The following KLF8 variants were observed in gnomAD, a reference collection of about 807,000 sequenced individuals.
KLF8 encodes KLF transcription factor 8, also known as Krueppel-like factor 8.
KLF8 carries 10 observed loss-of-function variants against 18.2 expected under a neutral mutation model. The observed-to-expected ratio is 0.55, with a 90% CI of 0.34 to 0.93. KLF8 has a LOEUF of 0.93. Among genes scored for constraint, KLF8 ranks in the 40% least tolerant of loss-of-function variants. The pLI, the probability that KLF8 is intolerant of heterozygous loss-of-function variation, is 0.02. For synonymous variants in KLF8, 109 were observed against 97.3 expected (o/e 1.12, Z -0.71); for missense variants, 264 against 277.9 (o/e 0.95, Z 0.36).
intron 2 of KLF8, among the ~76,000 whole-genome samples, chrX:56,251,225 G>A (rs1287167805): frequency 8.9e-6 from 1 of 112,069 alleles, no homozygotes; most frequent in African/African-American, 3.2e-5. Context: ...TGTGCTAGAT[G>A]TTGAAGTCCC....
the KLF8 span, among the ~76,000 whole-genome samples, chrX:56,178,555 G>T: frequency 1.8e-5 from 2 of 112,216 alleles, no homozygotes; most frequent in Non-Finnish European, 3.8e-5. Flanking sequence ...GGAAGTCCTT[G>T]CCCATGCCTA....
At chrX:56,184,765 G>T in the KLF8 span, among the ~76,000 whole-genome samples, 2 of 111,949 alleles carry the variant, frequency 1.8e-5, no homozygotes, top group African/African-American at 6.5e-5. Context: ...AGGCAAACAG[G>T]GTCTAGGGTG....
the KLF8 span, among the ~76,000 whole-genome samples, chrX:56,084,205 C>G: frequency 1.8e-5 from 2 of 110,570 alleles, no homozygotes; most frequent in Non-Finnish European, 3.8e-5. Context: ...ATAGGGAGAC[C>G]TTGTCCCCAC....
chrX:55,939,833 T>C, the KLF8 span, among the ~76,000 whole-genome samples: 2 of 111,670 alleles, frequency 1.8e-5, no homozygotes, highest in African/African-American at 6.5e-5. Context: ...CAGGAAGAAG[T>C]TGAATCTCTG....
At chrX:55,987,204 TA>T in the KLF8 span, among the ~76,000 whole-genome samples, 5 of 110,703 alleles carry the variant, frequency 4.5e-5, no homozygotes, top group African/African-American at 6.6e-5. Flanking sequence ...ATTTTAATTT[TA>T]TTTTTTTATT....
the KLF8 span, among the ~76,000 whole-genome samples, chrX:56,178,859 C>G: frequency 1.8e-5 from 2 of 112,105 alleles, no homozygotes; most frequent in African/African-American, 6.5e-5. Flanking sequence ...GTTTTGGTAC[C>G]AGTACCATGC....
At chrX:56,005,982 A>G in the KLF8 span, among the ~76,000 whole-genome samples, 1 of 112,277 alleles carries the variant, frequency 8.9e-6, no homozygotes, top group Non-Finnish European at 1.9e-5. Context: ...CCAGGCTTAG[A>G]CCCTGGCGGA....
At position 56,270,233 on chromosome X, in the gene KLF8, A is replaced by G. The variant is rs746577819; in HGVS notation, c.810A>G (p.Arg270=). 2.5e-6 allele frequency: 3 copies of G among 1,206,499 alleles called. No homozygotes were observed. Among genetic ancestry groups the G allele is most frequent in the East Asian group, 5.9e-5 (2 of 33,678 alleles). The part of the protein sequence containing the change: ...MQGEESLDLK[R]RRIHQCDFAG... ...GAGAAGAGTCGCTTGACTTGAAGAG[A>G]AGACGGATTCACCAATGTGACTTTG... The change falls in exon 5 of 6, where the codon AGA becomes AGG. Residue 270 remains arginine (R), a synonymous_variant. Transcript: ENST00000468660.
At chrX:56,162,919 C>T in the KLF8 span, among the ~76,000 whole-genome samples, 7 of 111,658 alleles carry the variant, frequency 6.3e-5, no homozygotes, top group East Asian at 1.1e-3. Context: ...TCCACCCCCA[C>T]GATCTTGTTC....
the KLF8 span, among the ~76,000 whole-genome samples, chrX:55,951,974 G>A: frequency 8.9e-6 from 1 of 111,988 alleles, no homozygotes; most frequent in African/African-American, 3.2e-5. Flanking sequence ...GCCTCAAGTG[G>A]TTATTTAGTT....
chrX:55,986,659 T>G, the KLF8 span, among the ~76,000 whole-genome samples: 1 of 112,316 alleles, frequency 8.9e-6, no homozygotes, highest in Non-Finnish European at 1.9e-5. Flanking sequence ...AAATGTTTTT[T>G]CACGTTATTT....
the KLF8 span, chrX:55,908,740 C>A: frequency 3.5e-6 from 1 of 286,616 alleles, no homozygotes; most frequent in Middle Eastern, 9.2e-4. Context: ...CGGCCCCGCC[C>A]CGTCGGCCCA....
chrX:55,986,600 C>A, the KLF8 span, among the ~76,000 whole-genome samples: 11 of 111,875 alleles, frequency 9.8e-5, no homozygotes, highest in African/African-American at 2.9e-4. Flanking sequence ...TGCTGCAGAC[C>A]GCAGCTGCTT....
chrX:55,931,895 C>A, the KLF8 span, among the ~76,000 whole-genome samples: 5 of 108,862 alleles, frequency 4.6e-5, no homozygotes, highest in African/African-American at 1.3e-4. Flanking sequence ...GTTTTTTCCA[C>A]AGCTGAGTTC....
At chrX:56,032,224 G>T in the KLF8 span, among the ~76,000 whole-genome samples, 2 of 110,883 alleles carry the variant, frequency 1.8e-5, no homozygotes, top group Admixed American at 1.9e-4. Context: ...CTCTCACCTT[G>T]GCCTCCCAAA....
chrX:56,269,120 G>A (rs777418176), intron 3 of KLF8: 2 of 937,851 alleles, frequency 2.1e-6, no homozygotes, highest in South Asian at 6.7e-5. Flanking sequence ...ACTCTCATTT[G>A]ATACCACTCA....
At chrX:56,070,338 C>T in the KLF8 span, among the ~76,000 whole-genome samples, 1 of 111,369 alleles carries the variant, frequency 9.0e-6, no homozygotes, top group South Asian at 3.8e-4. Context: ...ATAGGTGTAG[C>T]AAACCACCAT....
chrX:56,251,337 G>T (rs1356287974), intron 2 of KLF8, among the ~76,000 whole-genome samples: 10 of 112,349 alleles, frequency 8.9e-5, no homozygotes, highest in African/African-American at 3.2e-4. Flanking sequence ...AGTATACAGT[G>T]TTGTATATAC....
chrX:56,257,057 C>A (rs2066806952), intron 2 of KLF8, among the ~76,000 whole-genome samples: 1 of 111,674 alleles, frequency 9.0e-6, no homozygotes, highest in African/African-American at 3.3e-5. Flanking sequence ...TATTATTAAA[C>A]ATTAATAAAT....
Sources: gnomAD v4.1 joint callset for allele counts (sites outside exome capture counted in the v4.1 genomes callset) on GRCh38, gnomAD v4.1.1 for gene constraint, MANE v1.5 for transcripts, NCBI Gene and HGNC (gene_info 2026-07-23, HGNC 2026-07-21) for gene names.